The following YPEL5 variants were observed in gnomAD, a reference collection of about 807,000 sequenced individuals.
YPEL5 encodes protein yippee-like 5.
YPEL5 carries 1 observed loss-of-function variant against 10.5 expected under a neutral mutation model. The observed-to-expected ratio is 0.10, with a 90% CI of 0.03 to 0.45. The LOEUF (loss-of-function observed/expected upper bound fraction) is 0.45, where lower values mean the gene tolerates loss of function less well. YPEL5 is among the 20% of genes least tolerant of loss of function. The probability of loss-of-function intolerance (pLI) is 0.97; values close to 1 mark genes in which losing one functional copy is unlikely to be tolerated. For synonymous variants in YPEL5, 61 were observed against 56.6 expected (o/e 1.08, Z -0.35); for missense variants, 68 against 159.3 (o/e 0.43, Z 3.09).
At chr2:30,150,289 C>T (rs2103507105) in intron 1 of YPEL5, among the ~76,000 whole-genome samples, 1 of 152,288 alleles carries the variant, frequency 6.6e-6, no homozygotes, top group East Asian at 1.9e-4. Context: ...GTTTTACTGA[C>T]CTTTATTGAG....
At chr2:30,158,141 T>C (rs1362112520) in intron 2 of YPEL5, among the ~76,000 whole-genome samples, 2 of 152,384 alleles carry the variant, frequency 1.3e-5, no homozygotes, top group East Asian at 3.9e-4. Flanking sequence ...GTATGGTCTT[T>C]AGTAGGCTTA....
At chr2:30,154,708 A>G (rs1675959730) in intron 1 of YPEL5, among the ~76,000 whole-genome samples, 2 of 152,258 alleles carry the variant, frequency 1.3e-5, no homozygotes, top group South Asian at 4.1e-4. Flanking sequence ...TCGAATTTGC[A>G]ACTTCTGACT....
At chr2:30,157,215 G>A (rs570482443) in intron 2 of YPEL5, among the ~76,000 whole-genome samples, 5 of 151,946 alleles carry the variant, frequency 3.3e-5, no homozygotes, top group African/African-American at 7.3e-5. Flanking sequence ...CCTGGGAGGC[G>A]GAGGTTGTGG....
intron 1 of YPEL5, chr2:30,156,335 T>A (rs919707762): frequency 7.8e-6 from 2 of 255,878 alleles, no homozygotes; most frequent in African/African-American, 2.2e-5. Context: ...CCACTTTCCA[T>A]TTTCTTTTTC....
intron 2 of YPEL5, among the ~76,000 whole-genome samples, chr2:30,157,937 GA>G: frequency 6.6e-6 from 1 of 152,332 alleles, no homozygotes; most frequent in Non-Finnish European, 1.5e-5. Context: ...TACAGTGCCA[GA>G]GTTAAAAAGT....
At chr2:30,149,681 C>G (rs1222790143) in intron 1 of YPEL5, among the ~76,000 whole-genome samples, 1 of 152,222 alleles carries the variant, frequency 6.6e-6, no homozygotes, top group Non-Finnish European at 1.5e-5. Context: ...TTAGCAGAGT[C>G]ATTGCGAAAC....
At position 30,158,915 on chromosome 2, in the gene YPEL5, C is replaced by A; in HGVS notation, c.*72C>A. 1 of 1,408,042 alleles carries A rather than the reference C, an allele frequency of 7.1e-7. No individual in the cohort carries two copies. The highest frequency in any genetic ancestry group is 1.2e-5 in the South Asian group (1 of 82,470). The allele number at this position is 1,408,042 out of a possible 1,614,324, so 87.2% of individuals were successfully genotyped here. A position where few individuals can be genotyped will look rare whatever the true frequency, so the allele number is the denominator to read the frequency against. ...ACAAAAATCTACTTACATACACTGTCACCTTAGCATCAGAGTCGGATTAAT... is the reference window on the plus strand; with the variant it reads ...ACAAAAATCTACTTACATACACTGTAACCTTAGCATCAGAGTCGGATTAAT... On this transcript the variant is annotated 3_prime_UTR_variant, in exon 3 of 3. Transcript: ENST00000261353.
intron 1 of YPEL5, among the ~76,000 whole-genome samples, chr2:30,156,127 A>AG (rs1248560753): frequency 6.6e-6 from 1 of 152,140 alleles, no homozygotes; most frequent in Non-Finnish European, 1.5e-5. Context: ...TGGTGATCAC[A>AG]GACCTACTCA....
chr2:30,147,830 T>G (rs1364649067), intron 1 of YPEL5: 1 of 153,338 alleles, frequency 6.5e-6, no homozygotes. Flanking sequence ...GTGTTTGTTG[T>G]GCCGAGGGAG....
intron 1 of YPEL5, among the ~76,000 whole-genome samples, chr2:30,155,480 A>G (rs1445718611): frequency 6.6e-6 from 1 of 152,212 alleles, no homozygotes; most frequent in Non-Finnish European, 1.5e-5. Flanking sequence ...CCACAGTGGC[A>G]GTTACATTAG....
intron 1 of YPEL5, among the ~76,000 whole-genome samples, chr2:30,153,339 T>A (rs1340790948): frequency 6.6e-6 from 1 of 152,220 alleles, no homozygotes; most frequent in Non-Finnish European, 1.5e-5. Flanking sequence ...AGATTCAATG[T>A]CTGTTGATGG....
intron 1 of YPEL5, chr2:30,148,531 T>A (rs1675622074): frequency 6.6e-6 from 1 of 152,260 alleles, no homozygotes; most frequent in Non-Finnish European, 1.5e-5. Context: ...CGCATACTTG[T>A]ACTGGGTTAG....
At chr2:30,152,168 T>C (rs1157237862) in intron 1 of YPEL5, among the ~76,000 whole-genome samples, 1 of 152,214 alleles carries the variant, frequency 6.6e-6, no homozygotes, top group Non-Finnish European at 1.5e-5. Context: ...GCGGTTTTTT[T>C]TTTCTTTTTA....
intron 2 of YPEL5, among the ~76,000 whole-genome samples, chr2:30,157,086 C>T (rs1335332760): frequency 6.6e-6 from 1 of 152,096 alleles, no homozygotes; most frequent in Non-Finnish European, 1.5e-5. Flanking sequence ...AGTTCAAGAC[C>T]AGCCTGGCCA....
chr2:30,152,181 A>G (rs772613744), intron 1 of YPEL5, among the ~76,000 whole-genome samples: 1 of 152,238 alleles, frequency 6.6e-6, no homozygotes, highest in Non-Finnish European at 1.5e-5. Flanking sequence ...TCTTTTTAAA[A>G]AATAACCTGC....
At chr2:30,151,508 C>T (rs1026846274) in intron 1 of YPEL5, among the ~76,000 whole-genome samples, 1 of 152,150 alleles carries the variant, frequency 6.6e-6, no homozygotes, top group African/African-American at 2.4e-5. Context: ...ATATTTTCAT[C>T]CCAGCCCCTC....
At chr2:30,148,182 C>T (rs896437534) in intron 1 of YPEL5, 4 of 152,214 alleles carry the variant, frequency 2.6e-5, no homozygotes, top group Admixed American at 6.5e-5. Context: ...ACTAATCTCC[C>T]TTTCAAGGGA....
At chr2:30,156,832 G>A in intron 2 of YPEL5, 40 bp downstream of exon 2, 2 of 1,611,058 alleles carry the variant, frequency 1.2e-6, no homozygotes, top group East Asian at 2.2e-5. Context: ...GGGCTTATTG[G>A]CTGTATTTGA....
In YPEL5 at chr2:30,158,848, A is replaced by G. The variant is rs756253472; in HGVS notation, c.*5A>G. 9 of 1,613,162 alleles carry G rather than the reference A, an allele frequency of 5.6e-6. No individual in the cohort carries two copies. Among genetic ancestry groups the G allele is most frequent in the Non-Finnish European group, 7.6e-6 (9 of 1,179,172 alleles). The stretch of plus-strand genomic sequence containing the variant: ...GTACCATCTGATAACTCTTGAAGAT[A>G]CAGAGAGAAATCCATCTTTTCCCAG... On this transcript the variant is annotated 3_prime_UTR_variant, in exon 3 of 3. Transcript: ENST00000261353.
Sources: allele counts gnomAD v4.1 joint callset (sites outside exome capture counted in the v4.1 genomes callset), GRCh38; gene constraint gnomAD v4.1.1; transcripts MANE v1.5; gene names NCBI Gene and HGNC (gene_info 2026-07-23, HGNC 2026-07-21).